KCNIP3: variants seen among roughly 807,000 people sequenced by gnomAD.
KCNIP3 encodes potassium voltage-gated channel interacting protein 3.
In KCNIP3, 28 loss-of-function variants were observed where a neutral mutation model predicts 35.0. The ratio of observed to expected loss-of-function variants is 0.80; its 90% CI spans 0.59 to 1.10. KCNIP3 has a LOEUF of 1.10. Among genes scored for constraint, KCNIP3 ranks in the 50% least tolerant of loss-of-function variants. The pLI is 0.00. For missense variants in KCNIP3, 295 were observed against 338.4 expected, an observed-to-expected ratio of 0.87 and a Z score of 1.01; for synonymous variants, 134 against 133.8, an observed-to-expected ratio of 1.00 and a Z score of -0.01.
chr2:95,299,628 A>AC lies in KCNIP3; in HGVS notation c.15+2178dup, dbSNP rs138341784. Among the ~76,000 whole-genome samples the AC allele has an allele frequency of 3.4e-3, 517 of 152,322 alleles. 1 individual carries two copies. Among genetic ancestry groups the AC allele is most frequent in the Non-Finnish European group, 5.9e-3 (401 of 68,028 alleles). On this transcript the variant is annotated intron_variant, in intron 1 of 8. Transcript: ENST00000295225. ...AGCTCTTAGGAGAAAGGAGCGAAAG[A>AC]CCCGCAGTTTCTGCGACAGGCGCTG...
rs187930640 is a variant in KCNIP3, at chr2:95,376,035, G to T, written c.447+827G>T. Among the ~76,000 whole-genome samples, 1 of 152,184 alleles carries T rather than the reference G, an allele frequency of 6.6e-6. No homozygotes were observed. The highest frequency in any genetic ancestry group is 1.5e-5 in the Non-Finnish European group (1 of 68,026). On this transcript the variant is annotated intron_variant, in intron 5 of 8. Transcript: ENST00000295225. This position sits in a 1 kb window ranked among gnomAD's most constrained non-coding sequence, Gnocchi z 4.2. ...AAGCTGCGCGGGTTATTTTTATGCC[G>T]CAAGCCCGCCAGGCACACTGACGCT...
At chr2:95,373,693 C>T (rs538321525) in intron 2 of KCNIP3, among the ~76,000 whole-genome samples, 4 of 152,320 alleles carry the variant, frequency 2.6e-5, no homozygotes, top group East Asian at 1.9e-4. Flanking sequence ...GCTGGGATTA[C>T]AGGTGTGAGT....
Position 95,383,227 on chromosome 2 carries a change from T to C in KCNIP3, c.661-5T>C. The C allele has an allele frequency of 6.2e-7, 1 of 1,611,978 alleles. No individual in the cohort carries two copies. Among genetic ancestry groups the C allele is most frequent in the African/African-American group, 1.3e-5 (1 of 74,928 alleles). On this transcript the variant is annotated splice_polypyrimidine_tract_variant and splice_region_variant and intron_variant, in intron 7 of 8. Coordinates refer to ENST00000295225, the MANE Select transcript of KCNIP3 (RefSeq NM_013434.5). Reference sequence around the variant, plus strand: ...GACTCACTTTGGGCATGGCTTGGGTTGCAGAAAATGGACCGGAACCAGGAT... The same window carrying C: ...GACTCACTTTGGGCATGGCTTGGGTCGCAGAAAATGGACCGGAACCAGGAT...
chr2:95,362,581 G>T (rs1273453613), intron 2 of KCNIP3, among the ~76,000 whole-genome samples: 1 of 152,230 alleles, frequency 6.6e-6, no homozygotes, highest in East Asian at 1.9e-4. Flanking sequence ...CTAGTAAACA[G>T]AAATCTGCAT....
In KCNIP3 at chr2:95,377,674, C is replaced by T. The variant is rs1317353844; in HGVS notation, c.447+2466C>T. On this transcript the variant is annotated intron_variant, in intron 5 of 8. Transcript: ENST00000295225. The surrounding 1 kb of genome is among the most constrained non-coding windows in gnomAD (Gnocchi z 4.7). ...CCAAGGAATTTAGAACCAGCGTGCA[C>T]TCAGACATGGGCTGGCTGGACTTGG... 6.6e-6 allele frequency among the ~76,000 whole-genome samples: 1 copy of T among 152,250 alleles called. No homozygotes were observed. The highest frequency in any genetic ancestry group is 1.5e-5 in the Non-Finnish European group (1 of 68,042).
chr2:95,369,634 A>G, intron 2 of KCNIP3, among the ~76,000 whole-genome samples: 1 of 148,652 alleles, frequency 6.7e-6, no homozygotes, highest in Middle Eastern at 3.4e-3. Flanking sequence ...CAATTTTTTC[A>G]ATTTATTTTT....
chr2:95,326,393 C>T (rs1558764332), intron 2 of KCNIP3, among the ~76,000 whole-genome samples: 1 of 152,222 alleles, frequency 6.6e-6, no homozygotes, highest in Non-Finnish European at 1.5e-5. Context: ...CATACACATA[C>T]ATGCACACAC....
intron 2 of KCNIP3, among the ~76,000 whole-genome samples, chr2:95,344,368 C>T (rs1679294260): frequency 6.6e-6 from 1 of 152,186 alleles, no homozygotes; most frequent in Non-Finnish European, 1.5e-5. Flanking sequence ...AGCCCAGCCT[C>T]AGTGGGCCTA....
chr2:95,307,198 C>T (rs924906080), intron 1 of KCNIP3, among the ~76,000 whole-genome samples: 1 of 152,234 alleles, frequency 6.6e-6, no homozygotes, highest in African/African-American at 2.4e-5. Context: ...CACCACCACT[C>T]CACCCAGACT....
intron 2 of KCNIP3, among the ~76,000 whole-genome samples, chr2:95,345,544 T>C (rs1008758098): frequency 3.3e-5 from 5 of 152,234 alleles, no homozygotes; most frequent in Admixed American, 1.3e-4. Flanking sequence ...GAAGCTGCAA[T>C]TGCTCAGGCC....
At chr2:95,345,218 T>C (rs1573502816) in intron 2 of KCNIP3, among the ~76,000 whole-genome samples, 1 of 152,236 alleles carries the variant, frequency 6.6e-6, no homozygotes, top group Non-Finnish European at 1.5e-5. Flanking sequence ...AACAGGCTGG[T>C]GTCACGGGAA....
intron 2 of KCNIP3, among the ~76,000 whole-genome samples, chr2:95,324,584 A>AT (rs1558763070): frequency 6.7e-6 from 1 of 150,268 alleles, no homozygotes; most frequent in African/African-American, 2.4e-5. Context: ...TTTAAAAAAC[A>AT]TTTTTTTCAT....
intron 2 of KCNIP3, among the ~76,000 whole-genome samples, chr2:95,320,925 C>G (rs1002747497): frequency 7.0e-5 from 10 of 142,140 alleles, no homozygotes; most frequent in Non-Finnish European, 6.2e-5. Context: ...CCCTGCCCCC[C>G]CAGCCTTCCC....
intron 2 of KCNIP3, among the ~76,000 whole-genome samples, chr2:95,314,290 G>T (rs1678400063): frequency 6.6e-6 from 1 of 152,234 alleles, no homozygotes; most frequent in Non-Finnish European, 1.5e-5. Context: ...CAAGATACAT[G>T]ATATCAAAGT....
At chr2:95,317,498 A>T (rs372544371) in intron 2 of KCNIP3, among the ~76,000 whole-genome samples, 219 of 152,168 alleles carry the variant, frequency 1.4e-3, no homozygotes, top group African/African-American at 5.0e-3. Context: ...AGGAGGACTG[A>T]GTGCACTCTG....
At chr2:95,357,480 G>A (rs1284441189) in intron 2 of KCNIP3, among the ~76,000 whole-genome samples, 3 of 152,220 alleles carry the variant, frequency 2.0e-5, no homozygotes, top group South Asian at 2.1e-4. Context: ...GGCTAACTGC[G>A]CCTCTGAGGA....
At chr2:95,297,662 G>A (rs1231375575) in intron 1 of KCNIP3, among the ~76,000 whole-genome samples, 1 of 151,986 alleles carries the variant, frequency 6.6e-6, no homozygotes, top group Admixed American at 6.6e-5. Context: ...TGGCGTTGGG[G>A]TGTCCTGGCT....
intron 1 of KCNIP3, among the ~76,000 whole-genome samples, chr2:95,301,291 C>T (rs1026278742): frequency 3.9e-5 from 6 of 152,224 alleles, no homozygotes; most frequent in Non-Finnish European, 8.8e-5. Context: ...CCAGCAGTGC[C>T]CCACATGTGC....
chr2:95,364,271 C>T (rs1640758857), intron 2 of KCNIP3, among the ~76,000 whole-genome samples: 1 of 152,030 alleles, frequency 6.6e-6, no homozygotes, highest in South Asian at 2.1e-4. Flanking sequence ...TTATCAAATG[C>T]CCTTTCTGCA....
Sources: gnomAD v4.1 joint callset for allele counts (sites outside exome capture counted in the v4.1 genomes callset) on GRCh38, gnomAD v4.1.1 for gene constraint, Gnocchi (gnomAD v3.1) non-coding constraint, MANE v1.5 for transcripts, NCBI Gene and HGNC (gene_info 2026-07-23, HGNC 2026-07-21) for gene names.